TRMT2A: variants seen among roughly 807,000 people sequenced by gnomAD.
The protein encoded by TRMT2A is tRNA (uracil-5-)-methyltransferase homolog A.
In TRMT2A, 60 loss-of-function variants were observed where a neutral mutation model predicts 59.3. That is an observed-to-expected ratio of 1.01 (90% CI 0.82 to 1.26). The LOEUF (loss-of-function observed/expected upper bound fraction) is 1.26, where lower values mean the gene tolerates loss of function less well. Ranked by LOEUF, TRMT2A falls within the 50% of genes most tolerant of loss-of-function variation. TRMT2A has a pLI of 0.00. For synonymous variants in TRMT2A, 403 were observed against 353.7 expected, an observed-to-expected ratio of 1.14 and a Z score of -1.56; for missense variants, 863 against 845.2, an observed-to-expected ratio of 1.02 and a Z score of -0.26.
In TRMT2A at chr22:20,113,208, C is replaced by A; in HGVS notation, c.1459G>T (p.Gly487Trp). The A allele has an allele frequency of 6.3e-7, 1 of 1,575,406 alleles. No individual in the cohort carries two copies. The highest frequency in any genetic ancestry group is 8.6e-7 in the Non-Finnish European group (1 of 1,161,630). ...GTGGGCACCAGGTCCTCGGCCCTCCCGCAGTGGAACTCCACATTACTCAAC... is the reference window on the plus strand; with the variant it reads ...GTGGGCACCAGGTCCTCGGCCCTCCAGCAGTGGAACTCCACATTACTCAAC... ...NELSNVEFHC[G>W]RAEDLVPTLV... The change falls in exon 10 of 12, where the codon GGG (glycine) becomes TGG (tryptophan). Residue 487 changes from glycine to tryptophan, a missense_variant. Physicochemically the swap from Gly to Trp is radical, Grantham distance 184. Coordinates refer to ENST00000252136, the MANE Select transcript of TRMT2A (RefSeq NM_022727.6).
chr22:20,113,400 T>TGCCCCCCCCCCCCCC, intron 9 of TRMT2A, 32 bp downstream of exon 9: 5 of 1,049,430 alleles, frequency 4.8e-6, no homozygotes, highest in Non-Finnish European at 7.2e-6. Context: ...GCTGCCCCCA[T>TGCCCCCCCCCCCCCC]CCCCACCCCC....
In TRMT2A at chr22:20,115,349, C is replaced by T. The variant is rs755709537; in HGVS notation, c.807G>A (p.Thr269=). ...GCRLGKYKGG[T]CAVAAPFDTV... is the part of the protein sequence containing the mutation. ...TGTCAAACGGGGCTGCCACAGCACA[C>T]GTCCCGCCCTTGTACTTGCCGAGCC... Residue 269 remains threonine, a synonymous_variant, in exon 4 of 12, where the codon ACG becomes ACA. Coordinates refer to ENST00000252136, the MANE Select transcript of TRMT2A (RefSeq NM_022727.6). 7 of 1,612,628 alleles carry T rather than the reference C, an allele frequency of 4.3e-6. No individual in the cohort carries two copies. In the African/African-American group the frequency reaches 5.3e-5, roughly 12 times the overall value.
rs192929532 is a variant in TRMT2A at position 20,113,632 on chromosome 22, A to G, written c.1356+54T>C. On this transcript the variant is annotated intron_variant, in intron 8 of 11. Transcript: ENST00000252136. ...GCTGTGGTGACTTTGAGCTGGGGTC[A>G]ATGGGGGTCTTGGGGTGGGGAGAGG... 1.4e-5 allele frequency: 23 copies of G among 1,595,110 alleles called. No homozygotes were observed. In the Middle Eastern group the frequency reaches 5.1e-4, roughly 35 times the overall value.
chr22:20,112,177 A>C lies in TRMT2A; in HGVS notation c.*386T>G, dbSNP rs1602504402. The stretch of plus-strand genomic sequence containing the variant: ...CAAATCGAACATTCTTTTTTAAAGT[A>C]AGCTCTGCCCTGACTCCCCCAGCCA... On this transcript the variant is annotated 3_prime_UTR_variant, in exon 12 of 12. Transcript: ENST00000252136. The C allele has an allele frequency of 4.4e-6, 1 of 229,600 alleles. No homozygotes were observed. Among genetic ancestry groups the C allele is most frequent in the East Asian group, 9.5e-5 (1 of 10,504 alleles). The allele number at this position is 229,600 out of a possible 1,614,324, so 14.2% of individuals were successfully genotyped here.
chr22:20,113,393 G>GCCCCCCTGCCCCCCCCCCCCCCC, intron 9 of TRMT2A, 39 bp downstream of exon 9: 7 of 1,556,252 alleles, frequency 4.5e-6, no homozygotes, highest in Non-Finnish European at 5.3e-6. Flanking sequence ...GGTGGCGGCT[G>GCCCCCCTGCCCCCCCCCCCCCCC]CCCCCATCCC....
At position 20,113,688 on chromosome 22, in the gene TRMT2A, G is replaced by T; in HGVS notation, c.1354C>A (p.Arg452=). ...CTCAGCAGGGCAGGAGGGCTCACCC[G>T]GGCCAGGGCCAGGCCAATGGTGCCG... ...GTGTIGLALA[R]KVKRVIGVEL... is the part of the protein sequence containing the mutation. The change falls in exon 8 of 12, where the codon CGG becomes AGG. Residue 452 remains arginine (R), a splice_region_variant and synonymous_variant. Coordinates refer to ENST00000252136, the MANE Select transcript of TRMT2A (RefSeq NM_022727.6). 1 of 1,595,488 alleles carries T rather than the reference G, an allele frequency of 6.3e-7. No individual in the cohort carries two copies.
At position 20,116,375 on chromosome 22, in the gene TRMT2A, C is replaced by T. The variant is rs371517046; in HGVS notation, c.262G>A (p.Asp88Asn). 3 of 1,612,212 alleles carry T rather than the reference C, an allele frequency of 1.9e-6. No homozygotes were observed. Among genetic ancestry groups the T allele is most frequent in the Non-Finnish European group, 2.5e-6 (3 of 1,179,302 alleles). The change falls in exon 2 of 12, where the codon GAC becomes AAC. Residue 88 changes from aspartate (D) to asparagine (N), a missense_variant. Physicochemically the swap from Asp to Asn is conservative, Grantham distance 23. Coordinates refer to ENST00000252136, the MANE Select transcript of TRMT2A (RefSeq NM_022727.6). ...QNVPRHASFS[D>N]VRRFLGRFGL... ...AAGCGGCCCAGGAAGCGCCGGACGT[C>T]GCTGAAGCTGGCGTGGCGAGGCACG...
Position 20,112,519 on chromosome 22 carries a change from C to A in TRMT2A, c.*44G>T. 1 of 1,586,176 alleles carries A rather than the reference C, an allele frequency of 6.3e-7. No homozygotes were observed. Among genetic ancestry groups the A allele is most frequent in the Non-Finnish European group, 8.6e-7 (1 of 1,164,072 alleles). On this transcript the variant is annotated 3_prime_UTR_variant, in exon 12 of 12. Transcript: ENST00000252136. Reference sequence around the variant, plus strand: ...AGCCATGCCTTCCCCGCCCCTGGGGCCCTGGGAGCCCTTCAGCTCCTGTCC... The same window carrying A: ...AGCCATGCCTTCCCCGCCCCTGGGGACCTGGGAGCCCTTCAGCTCCTGTCC...
intron 9 of TRMT2A, 31 bp downstream of exon 9, chr22:20,113,401 C>CCCCCCCCCCCCCCCCCCCCCTGG: frequency 4.5e-6 from 4 of 893,472 alleles, no homozygotes; most frequent in Non-Finnish European, 7.3e-6. Context: ...CTGCCCCCAT[C>CCCCCCCCCCCCCCCCCCCCCTGG]CCCACCCCCA....
Position 20,112,750 on chromosome 22 carries a change from C to A in TRMT2A, c.1691G>T (p.Arg564Leu), listed in dbSNP as rs183393936. 3.3e-5 allele frequency: 54 copies of A among 1,613,684 alleles called. No homozygotes were observed. The South Asian group carries it at 5.8e-4, about 17-fold the overall frequency. The change falls in exon 12 of 12, where the codon CGG becomes CTG. Residue 564 changes from arginine (R) to leucine (L), a missense_variant. Coordinates refer to ENST00000252136, the MANE Select transcript of TRMT2A (RefSeq NM_022727.6). ...GTCCACTGCCACAGCCTTGACCGGC[C>A]GGAAGGGAATGCCCTTCACCCGGTT... is the stretch of plus-strand genomic sequence containing the variant. ...PSNRVKGIPF[R>L]PVKAVAVDLF... is the part of the protein sequence containing the mutation.
At chr22:20,116,823 A>ACCCCCCCCCCC in intron 1 of TRMT2A, 60 bp downstream of exon 1, 4 of 1,294,022 alleles carry the variant, frequency 3.1e-6, no homozygotes, top group Admixed American at 2.0e-5. Flanking sequence ...AGGTTTCCTG[A>ACCCCCCCCCCC]CCCACCCCGC....
At position 20,116,449 on chromosome 22, in the gene TRMT2A, A is replaced by T. The variant is rs1173838016; in HGVS notation, c.188T>A (p.Ile63Asn). The T allele has an allele frequency of 4.3e-6, 7 of 1,612,806 alleles. No homozygotes were observed. Among genetic ancestry groups the T allele is most frequent in the Non-Finnish European group, 5.9e-6 (7 of 1,179,874 alleles). The change falls in exon 2 of 12, where the codon ATC becomes AAC. Residue 63 changes from isoleucine (I) to asparagine (N), a missense_variant. Physicochemically the swap from Ile to Asn is moderately radical, Grantham distance 149 (BLOSUM62 -3). Transcript: ENST00000252136. ...PGPQPGLYSY[I>N]RDDLFTSEIF... ...CTCAGAGGTAAACAAGTCATCCCTG[A>T]TGTAGCTGTAGAGCCCGGGCTGAGG...
rs1349317877 is a variant in TRMT2A, at chr22:20,117,079, G to C, written c.-173C>G. ...GCCGCCACCCCCGGCTTCGCCCCAGGCGGGGCGGGACTCGAACCTGCGATG... is the reference window on the plus strand; with the variant it reads ...GCCGCCACCCCCGGCTTCGCCCCAGCCGGGGCGGGACTCGAACCTGCGATG... On this transcript the variant is annotated 5_prime_UTR_variant, in exon 1 of 12. Coordinates refer to ENST00000252136, the MANE Select transcript of TRMT2A (RefSeq NM_022727.6). The C allele has an allele frequency of 2.3e-6, 2 of 853,814 alleles. No homozygotes were observed. Among genetic ancestry groups the C allele is most frequent in the African/African-American group, 1.7e-5 (1 of 59,298 alleles). 52.9% of individuals were successfully genotyped at this position (853,814 alleles called of 1,614,324 possible). A position where few individuals can be genotyped will look rare whatever the true frequency, so the allele number is the denominator to read the frequency against.
In TRMT2A at chr22:20,111,885, T is replaced by C. The variant is rs2049857870; in HGVS notation, c.*678A>G. 1 of 160,090 alleles carries C rather than the reference T, an allele frequency of 6.2e-6. No individual in the cohort carries two copies. The highest frequency in any genetic ancestry group is 6.5e-5 in the Admixed American group (1 of 15,458). The allele number at this position is 160,090 out of a possible 1,614,324, so 9.9% of individuals were successfully genotyped here. A position where few individuals can be genotyped will look rare whatever the true frequency, so the allele number is the denominator to read the frequency against. On this transcript the variant is annotated 3_prime_UTR_variant, in exon 12 of 12. Transcript: ENST00000252136. ...AAACTGTCCAGAAGGGAATGGCTGA[T>C]GTCTTTATTCTGAGGGTGAGAGGCT...
Position 20,113,376 on chromosome 22 carries a change from C to T in TRMT2A, c.1432+56G>A, listed in dbSNP as rs957618323. 24 of 1,572,966 alleles carry T rather than the reference C, an allele frequency of 1.5e-5. No individual in the cohort carries two copies. In the East Asian group the frequency reaches 5.4e-4, roughly 36 times the overall value. ...AAGCCCTGGCTGTGGCTGAGGCTTG[C>T]AGCAGGGGTGGCGGCTGCCCCCATC... On this transcript the variant is annotated intron_variant, in intron 9 of 11. Transcript: ENST00000252136.
chr22:20,113,808 C>G lies in TRMT2A; in HGVS notation c.1234G>C (p.Val412Leu), dbSNP rs1287207979. Residue 412 changes from valine (V) to leucine (L), a missense_variant and splice_region_variant, in exon 8 of 12, where the codon GTG becomes CTG. Val to Leu is a conservative substitution (Grantham distance 32). Coordinates refer to ENST00000252136, the MANE Select transcript of TRMT2A (RefSeq NM_022727.6). Reference protein sequence around the residue: ...FRISPHAFFQVNTPAAEVLYT... With the variant: ...FRISPHAFFQLNTPAAEVLYT... ...AGCACCTCGGCTGCGGGTGTGTTCACCTGGGGGCAGGCGGTGCCCAGGATG... is the reference window on the plus strand; with the variant it reads ...AGCACCTCGGCTGCGGGTGTGTTCAGCTGGGGGCAGGCGGTGCCCAGGATG... The G allele has an allele frequency of 1.9e-6, 3 of 1,563,224 alleles. No homozygotes were observed. In the African/African-American group the frequency reaches 4.1e-5, roughly 21 times the overall value.
Position 20,114,973 on chromosome 22 carries a change from G to A in TRMT2A, c.997C>T (p.His333Tyr), listed in dbSNP as rs771926138. 1 of 1,592,466 alleles carries A rather than the reference G, an allele frequency of 6.3e-7. No individual in the cohort carries two copies. The highest frequency in any genetic ancestry group is 2.3e-5 in the East Asian group (1 of 44,088). Residue 333 changes from histidine (H) to tyrosine (Y), a missense_variant, in exon 5 of 12, where the codon CAC (histidine) becomes TAC (tyrosine). Transcript: ENST00000252136. ...RHQAMAIAYF[H>Y]PQKLSPEELA... ...AGGGCCCCCGTTGAGACCTGGGGGTGGAAGTAGGCAATGGCCATGGCCTGG... is the reference window on the plus strand; with the variant it reads ...AGGGCCCCCGTTGAGACCTGGGGGTAGAAGTAGGCAATGGCCATGGCCTGG...
intron 1 of TRMT2A, 67 bp from the exon 2 acceptor site, chr22:20,116,679 C>A: frequency 6.7e-7 from 1 of 1,496,072 alleles, no homozygotes; most frequent in Non-Finnish European, 8.9e-7. Flanking sequence ...CCCAAGCTTC[C>A]TTATGGGACA....
intron 3 of TRMT2A, 30 bp from the exon 4 acceptor site, chr22:20,115,477 T>C: frequency 1.3e-6 from 2 of 1,590,508 alleles, no homozygotes; most frequent in African/African-American, 2.7e-5. Flanking sequence ...CACCTTACCC[T>C]GGCTGCCCAG....
Sources: allele counts gnomAD v4.1 joint callset, GRCh38; gene constraint gnomAD v4.1.1; transcripts MANE v1.5; gene names NCBI Gene and HGNC (gene_info 2026-07-23, HGNC 2026-07-21).